Variants in NOTCH4 observed in about 807,000 individuals in gnomAD.
NOTCH4 encodes the protein neurogenic locus notch homolog protein 4.
A neutral mutation model predicts 189.0 loss-of-function variants in NOTCH4; 138 were observed. The ratio of observed to expected loss-of-function variants is 0.73; its 90% CI spans 0.64 to 0.84. The LOEUF is 0.84. Ranked by LOEUF, NOTCH4 falls within the 40% of genes least tolerant of loss-of-function variation. NOTCH4 has a pLI of 0.00. For synonymous variants in NOTCH4, 942 were observed against 1,032.8 expected (o/e 0.91, Z 1.69); for missense variants, 2,286 against 2,605.4 (o/e 0.88, Z 2.67).
At position 32,212,941 on chromosome 6, in the gene NOTCH4, G is replaced by T; in HGVS notation, c.2439-30C>A. On this transcript the variant is annotated intron_variant, in intron 15 of 29. Coordinates refer to ENST00000375023, the MANE Select transcript of NOTCH4 (RefSeq NM_004557.4). The surrounding 1 kb of genome is among the most constrained non-coding windows in gnomAD (Gnocchi z 4.4). ...ACAAGACAGAGACAGGGCATGATAG[G>T]AAGAAGTTCGGGCAACAAGGGGAAG... The T allele has an allele frequency of 6.5e-7, 1 of 1,546,698 alleles. No homozygotes were observed. The highest frequency in any genetic ancestry group is 8.8e-7 in the Non-Finnish European group (1 of 1,139,424).
chr6:32,220,167 C>T lies in NOTCH4; in HGVS notation c.1277G>A (p.Gly426Glu), dbSNP rs746991666. 1 of 1,613,650 alleles carries T rather than the reference C, an allele frequency of 6.2e-7. No individual in the cohort carries two copies. Among genetic ancestry groups the T allele is most frequent in the South Asian group, 1.1e-5 (1 of 91,068 alleles). The change falls in exon 7 of 30, where the codon GGG becomes GAG. Residue 426 changes from glycine (G) to glutamate (E), a missense_variant. Around this residue, in one of 2 missense-constraint regions of NOTCH4, gnomAD observed 1,903 missense variants for 2,261.9 expected, o/e 0.84. Coordinates refer to ENST00000375023, the MANE Select transcript of NOTCH4 (RefSeq NM_004557.4). The part of the protein sequence containing the change: ...TLCLCQPGYS[G>E]PTCHQDLDEC... ...GTCCAGGTCCTGGTGGCAGGTGGGCCCCGAATAGCCAGGCTGACACAGGCA... is the reference window on the plus strand; with the variant it reads ...GTCCAGGTCCTGGTGGCAGGTGGGCTCCGAATAGCCAGGCTGACACAGGCA...
rs1377658649 is a variant in NOTCH4, at chr6:32,199,172, A to G, written c.4316-27T>C. 18 of 1,519,064 alleles carry G rather than the reference A, an allele frequency of 1.2e-5. No individual in the cohort carries two copies. The highest frequency in any genetic ancestry group is 2.1e-5 in the Admixed American group (1 of 46,698). 94.1% of individuals were successfully genotyped at this position (1,519,064 alleles called of 1,614,324 possible). ...TGGTGGGAGAGACAGAGTCACAAAG[A>G]GAGGCCACTCCTGGTGAGACTGATT... On this transcript the variant is annotated intron_variant, in intron 23 of 29. Transcript: ENST00000375023. The surrounding 1 kb of genome is among the most constrained non-coding windows in gnomAD (Gnocchi z 4.9).
chr6:32,209,167 C>T (rs1488766292), intron 18 of NOTCH4, among the ~76,000 whole-genome samples: 1 of 152,202 alleles, frequency 6.6e-6, no homozygotes, highest in Non-Finnish European at 1.5e-5. Flanking sequence ...ACAAATATTG[C>T]ATGTCTCTCA....
chr6:32,207,634 C>T (rs1206985086), intron 18 of NOTCH4, among the ~76,000 whole-genome samples: 4 of 149,278 alleles, frequency 2.7e-5, no homozygotes, highest in Admixed American at 6.7e-5. Flanking sequence ...TCTATCCCCC[C>T]CCCCCAAAAA....
chr6:32,219,985 T>C lies in NOTCH4; in HGVS notation c.1315+144A>G, dbSNP rs1029557962. On this transcript the variant is annotated intron_variant, in intron 7 of 29. Coordinates refer to ENST00000375023, the MANE Select transcript of NOTCH4 (RefSeq NM_004557.4). ...GGGCTGAACATTGGAGAGAGGGTCATGTAGGCAAGAGATGCCAAATCTGGG... is the reference window on the plus strand; with the variant it reads ...GGGCTGAACATTGGAGAGAGGGTCACGTAGGCAAGAGATGCCAAATCTGGG... 14 of 981,060 alleles carry C rather than the reference T, an allele frequency of 1.4e-5. No individual in the cohort carries two copies. The African/African-American group carries it at 2.0e-4, about 14-fold the overall frequency. 60.8% of individuals were successfully genotyped at this position (981,060 alleles called of 1,614,324 possible).
rs1185818936 is a variant in NOTCH4 at position 32,195,522 on chromosome 6, G to A, written c.5927C>T (p.Pro1976Leu). 1 of 1,613,060 alleles carries A rather than the reference G, an allele frequency of 6.2e-7. No homozygotes were observed. The highest frequency in any genetic ancestry group is 8.5e-7 in the Non-Finnish European group (1 of 1,180,008). Reference sequence around the variant, plus strand: ...GTCAAGTTGAGGTGATCCCCGCTCCGGGGACGGAGTAAGGCAAGGAGGCGG... The same window carrying A: ...GTCAAGTTGAGGTGATCCCCGCTCCAGGGACGGAGTAAGGCAAGGAGGCGG... Reference protein sequence around the residue: ...PIPPPCLTPSPERGSPQLDCG... With the variant: ...PIPPPCLTPSLERGSPQLDCG... Residue 1976 changes from proline (P) to leucine (L), a missense_variant, in exon 30 of 30, where the codon CCG (proline) becomes CTG (leucine). Around this residue, in one of 2 missense-constraint regions of NOTCH4, gnomAD observed 383 missense variants for 343.5 expected, o/e 1.11. Coordinates refer to ENST00000375023, the MANE Select transcript of NOTCH4 (RefSeq NM_004557.4). This position sits in a 1 kb window ranked among gnomAD's most constrained non-coding sequence, Gnocchi z 5.4.
intron 7 of NOTCH4, 116 bp downstream of exon 7, chr6:32,220,013 A>T: frequency 7.7e-7 from 1 of 1,295,668 alleles, no homozygotes; most frequent in Admixed American, 2.2e-5. Flanking sequence ...AATCTGGGCA[A>T]ATTCAAGGAA....
Position 32,203,792 on chromosome 6 carries a change from C to G in NOTCH4, c.3209G>C (p.Gly1070Ala), listed in dbSNP as rs1413049739. ...TCEATAGSPL[G>A]FICHCPKGFE... ...TGCCTTGGGGCAGTGGCAGATGAAA[C>G]CCAGGGGTGATCCTGCTGTGGCCTC... Residue 1070 changes from glycine (G) to alanine (A), a missense_variant, in exon 20 of 30, where the codon GGT becomes GCT. Gly to Ala is a moderately conservative substitution (Grantham distance 60). Around this residue, in one of 2 missense-constraint regions of NOTCH4, gnomAD observed 1,903 missense variants for 2,261.9 expected, o/e 0.84. Coordinates refer to ENST00000375023, the MANE Select transcript of NOTCH4 (RefSeq NM_004557.4). The G allele has an allele frequency of 4.5e-6, 7 of 1,557,586 alleles. No homozygotes were observed. Among genetic ancestry groups the G allele is most frequent in the African/African-American group, 1.4e-5 (1 of 73,702 alleles).
Position 32,221,675 on chromosome 6 carries a change from C to T in NOTCH4, c.452-350G>A, listed in dbSNP as rs1789788671. 1.3e-5 allele frequency among the ~76,000 whole-genome samples: 2 copies of T among 152,138 alleles called. No individual in the cohort carries two copies. The highest frequency in any genetic ancestry group is 4.8e-5 in the African/African-American group (2 of 41,418). On this transcript the variant is annotated intron_variant, in intron 3 of 29. Transcript: ENST00000375023. The surrounding 1 kb of genome is among the most constrained non-coding windows in gnomAD (Gnocchi z 4.3). ...ATGCTGTGCCACAACTGGTTGTATA[C>T]CCTTGGGTGAGCCACTTTGCCTTTC...
intron 7 of NOTCH4, 32 bp downstream of exon 7, chr6:32,220,097 T>C: frequency 6.2e-7 from 1 of 1,608,756 alleles, no homozygotes; most frequent in Non-Finnish European, 8.5e-7. Flanking sequence ...TGTCTGAGGC[T>C]CAGAGAGGCT....
Position 32,212,927 on chromosome 6 carries a change from A to G in NOTCH4, c.2439-16T>C, listed in dbSNP as rs2127478090. On this transcript the variant is annotated splice_polypyrimidine_tract_variant and intron_variant, in intron 15 of 29. Coordinates refer to ENST00000375023, the MANE Select transcript of NOTCH4 (RefSeq NM_004557.4). This position sits in a 1 kb window ranked among gnomAD's most constrained non-coding sequence, Gnocchi z 4.4. Reference sequence around the variant, plus strand: ...CCTACAGGGGCTGAACAAGACAGAGACAGGGCATGATAGGAAGAAGTTCGG... The same window carrying G: ...CCTACAGGGGCTGAACAAGACAGAGGCAGGGCATGATAGGAAGAAGTTCGG... The G allele has an allele frequency of 6.4e-7, 1 of 1,563,056 alleles. No individual in the cohort carries two copies. The highest frequency in any genetic ancestry group is 1.2e-5 in the South Asian group (1 of 85,464).
Position 32,216,524 on chromosome 6 carries a change from TTC to T in NOTCH4, c.1861+419_1861+420del, listed in dbSNP as rs1789421295. On this transcript the variant is annotated intron_variant, in intron 11 of 29. Transcript: ENST00000375023. ...TGCTCTTGTAATATCCTGCACGTTTTTCTCTCAGAGCACCTCTGTGGGCTATG... is the reference window on the plus strand; with the variant it reads ...TGCTCTTGTAATATCCTGCACGTTTTTCTCAGAGCACCTCTGTGGGCTATG... 8 of 272,432 alleles carry T rather than the reference TTC, an allele frequency of 2.9e-5. No individual in the cohort carries two copies. In the South Asian group the frequency reaches 3.4e-4, roughly 12 times the overall value. 16.9% of individuals were successfully genotyped at this position (272,432 alleles called of 1,614,324 possible).
At position 32,197,003 on chromosome 6, in the gene NOTCH4, C is replaced by T; in HGVS notation, c.5122G>A (p.Ala1708Thr). The stretch of plus-strand genomic sequence containing the variant: ...AGGTCTTCCACCGCCAGCCTGGCAG[C>T]CAGCATCAAGGGTGTGGTCCCGTCC... ...TEDGTTPLML[A>T]ARLAVEDLVE... Residue 1708 changes from alanine (A) to threonine (T), a missense_variant, in exon 28 of 30, where the codon GCT becomes ACT. By Grantham distance (58) the Ala-to-Thr change is moderately conservative. Around this residue, in one of 2 missense-constraint regions of NOTCH4, gnomAD observed 1,903 missense variants for 2,261.9 expected, o/e 0.84. Coordinates refer to ENST00000375023, the MANE Select transcript of NOTCH4 (RefSeq NM_004557.4). 6.2e-7 allele frequency: 1 copy of T among 1,613,010 alleles called. No individual in the cohort carries two copies. Among genetic ancestry groups the T allele is most frequent in the Non-Finnish European group, 8.5e-7 (1 of 1,180,024 alleles).
At chr6:32,197,929 CT>C (rs763712894) in intron 26 of NOTCH4, among the ~76,000 whole-genome samples, 7 of 151,306 alleles carry the variant, frequency 4.6e-5, no homozygotes, top group East Asian at 2.0e-4. Flanking sequence ...TCACGCCATT[CT>C]CCTGCCTTAG....
At chr6:32,220,951 G>T (rs772840515) in intron 4 of NOTCH4, 27 bp downstream of exon 4, 4 of 1,592,204 alleles carry the variant, frequency 2.5e-6, no homozygotes, top group Non-Finnish European at 2.6e-6. Context: ...AGAGAGGGGC[G>T]GCCGGAGAGC....
intron 20 of NOTCH4, chr6:32,203,004 C>T (rs1173856087): frequency 3.9e-5 from 6 of 155,074 alleles, no homozygotes; most frequent in African/African-American, 1.4e-4. Flanking sequence ...CTCCCGGGTT[C>T]AAGCAATTCT....
At chr6:32,205,707 G>C (rs1582791540) in intron 18 of NOTCH4, among the ~76,000 whole-genome samples, 2 of 151,466 alleles carry the variant, frequency 1.3e-5, no homozygotes, top group East Asian at 4.0e-4. Flanking sequence ...GGTAGGTTAG[G>C]GTATCTGTCT....
At position 32,210,709 on chromosome 6, in the gene NOTCH4, C is replaced by T. The variant is rs1303393408; in HGVS notation, c.2865+43G>A. The T allele has an allele frequency of 5.7e-6, 9 of 1,590,466 alleles. No individual in the cohort carries two copies. Among genetic ancestry groups the T allele is most frequent in the Non-Finnish European group, 6.9e-6 (8 of 1,161,562 alleles). On this transcript the variant is annotated intron_variant, in intron 18 of 29. Transcript: ENST00000375023. The surrounding 1 kb of genome is among the most constrained non-coding windows in gnomAD (Gnocchi z 4.8). ...GTCACTACTGTCTCTCCCATCCAGC[C>T]CACCCTTGTCTTTCCTCCCCCTTCT...
Position 32,198,368 on chromosome 6 carries a change from A to G in NOTCH4, c.4756+53T>C. The G allele has an allele frequency of 1.3e-6, 2 of 1,550,612 alleles. No homozygotes were observed. The highest frequency in any genetic ancestry group is 2.4e-5 in the South Asian group (2 of 83,278). ...TGATATTAAAGGACTCTCTGATTCTAATAGGGTCAAAGGACTTTTTTTTTT... is the reference window on the plus strand; with the variant it reads ...TGATATTAAAGGACTCTCTGATTCTGATAGGGTCAAAGGACTTTTTTTTTT... On this transcript the variant is annotated intron_variant, in intron 26 of 29. Coordinates refer to ENST00000375023, the MANE Select transcript of NOTCH4 (RefSeq NM_004557.4). This position sits in a 1 kb window ranked among gnomAD's most constrained non-coding sequence, Gnocchi z 5.5.
Sources: gnomAD v4.1 joint callset for allele counts (sites outside exome capture counted in the v4.1 genomes callset) on GRCh38, gnomAD v4.1.1 for gene constraint, gnomAD v4.1.1 regional missense constraint, Gnocchi (gnomAD v3.1) non-coding constraint, MANE v1.5 for transcripts, NCBI Gene and HGNC (gene_info 2026-07-23, HGNC 2026-07-21) for gene names.